PAMR1: variants seen among roughly 807,000 people sequenced by gnomAD.
PAMR1 encodes peptidase domain containing associated with muscle regeneration 1.
A neutral mutation model predicts 81.8 loss-of-function variants in PAMR1; 88 were observed. The observed-to-expected ratio is 1.08, with a 90% confidence interval of 0.91 to 1.28. PAMR1 has a LOEUF of 1.28. Ranked by LOEUF, PAMR1 falls within the 50% of genes most tolerant of loss-of-function variation. The pLI is 0.00. For synonymous variants in PAMR1, 336 were observed against 345.3 expected, an observed-to-expected ratio of 0.97 and a Z score of 0.30; for missense variants, 935 against 919.7, an observed-to-expected ratio of 1.02 and a Z score of -0.21.
chr11:35,498,293 G>T (rs764328495), intron 1 of PAMR1, among the ~76,000 whole-genome samples: 1 of 152,084 alleles, frequency 6.6e-6, no homozygotes, highest in Non-Finnish European at 1.5e-5. Context: ...TTGGTTAGAG[G>T]CTCAAACATG....
At chr11:35,480,898 C>G (rs966822135) in intron 3 of PAMR1, among the ~76,000 whole-genome samples, 4 of 152,144 alleles carry the variant, frequency 2.6e-5, no homozygotes, top group Admixed American at 2.0e-4. Flanking sequence ...TGTTTCCCTC[C>G]CTATGTCCAT....
chr11:35,468,970 T>A (rs1856804327), intron 5 of PAMR1, among the ~76,000 whole-genome samples: 3 of 152,224 alleles, frequency 2.0e-5, no homozygotes, highest in Non-Finnish European at 4.4e-5. Flanking sequence ...AAGAACAGGA[T>A]GTCCTATTTA....
intron 6 of PAMR1, among the ~76,000 whole-genome samples, chr11:35,443,084 C>T (rs1241043225): frequency 6.6e-6 from 1 of 152,114 alleles, no homozygotes; most frequent in Non-Finnish European, 1.5e-5. Context: ...TTTCTGTCTC[C>T]TCTTCTAGTA....
rs754382086 is a variant in PAMR1 at position 35,441,591 on chromosome 11, C to T, written c.923G>A (p.Gly308Asp). 1.2e-6 allele frequency: 2 copies of T among 1,613,948 alleles called. No individual in the cohort carries two copies. Among genetic ancestry groups the T allele is most frequent in the Admixed American group, 1.7e-5 (1 of 60,026 alleles). ...GLINGRHAKIGTVVSFFCNNS... is the reference protein window; with the variant it reads ...GLINGRHAKIDTVVSFFCNNS... ...GTTACAAAAGAAAGACACCACGGTG[C>T]CAATTTTAGCATGGCGTCCGTTGAT... Residue 308 changes from glycine (G) to aspartate (D), a missense_variant, in exon 7 of 11, where the codon GGC becomes GAC. Coordinates refer to ENST00000619888, the MANE Select transcript of PAMR1 (RefSeq NM_001001991.3).
intron 3 of PAMR1, among the ~76,000 whole-genome samples, chr11:35,485,943 T>C (rs770281183): frequency 2.6e-5 from 4 of 152,244 alleles, no homozygotes; most frequent in Non-Finnish European, 5.9e-5. Flanking sequence ...CAGCCATATG[T>C]AGGCGACCCT....
At chr11:35,498,721 T>G (rs1850773907) in intron 1 of PAMR1, among the ~76,000 whole-genome samples, 1 of 152,088 alleles carries the variant, frequency 6.6e-6, no homozygotes, top group Admixed American at 6.5e-5. Context: ...GTTTCCCACC[T>G]TCTCTCCATT....
intron 5 of PAMR1, among the ~76,000 whole-genome samples, chr11:35,469,274 C>T (rs189765973): frequency 4.1e-4 from 62 of 152,316 alleles, no homozygotes; most frequent in Non-Finnish European, 6.5e-4. Flanking sequence ...TATTATTTGA[C>T]GGCATTGATA....
intron 1 of PAMR1, among the ~76,000 whole-genome samples, chr11:35,517,070 C>T (rs1026816232): frequency 2.0e-5 from 3 of 152,158 alleles, no homozygotes; most frequent in African/African-American, 7.2e-5. Flanking sequence ...CATGATACAT[C>T]TAGCTGAGAA....
rs532491217 is a variant in PAMR1 at position 35,495,496 on chromosome 11, T to C, written c.74-1224A>G. Among the ~76,000 whole-genome samples the C allele has an allele frequency of 5.0e-4, 76 of 152,288 alleles. 1 individual carries two copies. Among genetic ancestry groups the C allele is most frequent in the African/African-American group, 1.8e-3 (73 of 41,560 alleles). Reference sequence around the variant, plus strand: ...AAGTCAGGCTAAGAAACAGACCTTCTAGTTTTGATTTCCTCTTCTTTTTCC... The same window carrying C: ...AAGTCAGGCTAAGAAACAGACCTTCCAGTTTTGATTTCCTCTTCTTTTTCC... On this transcript the variant is annotated intron_variant, in intron 1 of 10. Coordinates refer to ENST00000619888, the MANE Select transcript of PAMR1 (RefSeq NM_001001991.3).
At position 35,434,500 on chromosome 11, in the gene PAMR1, G is replaced by T; in HGVS notation, c.1626+12C>A. Reference sequence around the variant, plus strand: ...CCAGAGCCCCAGCTTCCAAGTGCAAGCCCTCTCTTACCTGTAGGCTCTGGA... The same window carrying T: ...CCAGAGCCCCAGCTTCCAAGTGCAATCCCTCTCTTACCTGTAGGCTCTGGA... On this transcript the variant is annotated intron_variant, in intron 10 of 10. Coordinates refer to ENST00000619888, the MANE Select transcript of PAMR1 (RefSeq NM_001001991.3). 1 of 1,605,886 alleles carries T rather than the reference G, an allele frequency of 6.2e-7. No homozygotes were observed. Among genetic ancestry groups the T allele is most frequent in the Non-Finnish European group, 8.5e-7 (1 of 1,173,592 alleles).
At chr11:35,441,332 A>G in intron 7 of PAMR1, 149 bp downstream of exon 7, 2 of 648,774 alleles carry the variant, frequency 3.1e-6, no homozygotes, top group Non-Finnish European at 5.4e-6. Flanking sequence ...TATTTTTAGG[A>G]TGGTTTCCAA....
intron 3 of PAMR1, among the ~76,000 whole-genome samples, chr11:35,484,948 T>C (rs1473443950): frequency 1.3e-5 from 2 of 152,230 alleles, no homozygotes; most frequent in Non-Finnish European, 2.9e-5. Flanking sequence ...AACGCAACTT[T>C]TGAGTTTAAG....
At chr11:35,491,732 A>T (rs1365471684) in intron 3 of PAMR1, among the ~76,000 whole-genome samples, 1 of 152,220 alleles carries the variant, frequency 6.6e-6, no homozygotes, top group Non-Finnish European at 1.5e-5. Flanking sequence ...CTGAAGACTT[A>T]TTCACTGTTT....
intron 3 of PAMR1, among the ~76,000 whole-genome samples, chr11:35,486,681 T>C (rs1850515884): frequency 6.6e-6 from 1 of 152,174 alleles, no homozygotes; most frequent in Non-Finnish European, 1.5e-5. Flanking sequence ...GACCAGTAGG[T>C]GCTATTTAAA....
At chr11:35,452,226 G>T (rs1565331822) in intron 6 of PAMR1, among the ~76,000 whole-genome samples, 1 of 152,110 alleles carries the variant, frequency 6.6e-6, no homozygotes, top group Admixed American at 6.6e-5. Flanking sequence ...GGAATTTAAA[G>T]CTCAGTAGAT....
At chr11:35,489,748 A>G (rs373385360) in intron 3 of PAMR1, among the ~76,000 whole-genome samples, 168 of 152,302 alleles carry the variant, frequency 1.1e-3, no homozygotes, top group African/African-American at 3.7e-3. Flanking sequence ...TGCTCTGCCA[A>G]CTGAAGAGCA....
chr11:35,475,373 C>T (rs1266732057), intron 3 of PAMR1, among the ~76,000 whole-genome samples: 1 of 152,138 alleles, frequency 6.6e-6, no homozygotes, highest in Non-Finnish European at 1.5e-5. Context: ...AAAGTCCTAT[C>T]AAGATCACCA....
intron 6 of PAMR1, among the ~76,000 whole-genome samples, chr11:35,457,815 A>G (rs889531997): frequency 2.6e-5 from 4 of 152,210 alleles, no homozygotes; most frequent in Non-Finnish European, 4.4e-5. Flanking sequence ...TGATGTTCAG[A>G]AACTCTGGGA....
intron 6 of PAMR1, among the ~76,000 whole-genome samples, chr11:35,447,605 A>G (rs534847633): frequency 6.6e-6 from 1 of 152,238 alleles, no homozygotes; most frequent in Admixed American, 6.5e-5. Context: ...CCAGCTTGCC[A>G]TTCTGTGTAT....
Sources: gnomAD v4.1 joint callset for allele counts (sites outside exome capture counted in the v4.1 genomes callset) on GRCh38, gnomAD v4.1.1 for gene constraint, MANE v1.5 for transcripts, NCBI Gene and HGNC (gene_info 2026-07-23, HGNC 2026-07-21) for gene names.